SZRD1: variants seen among roughly 807,000 people sequenced by gnomAD.
SZRD1 encodes SUZ RNA-binding domain-containing.
SZRD1 carries 7 observed loss-of-function variants against 17.6 expected under a neutral mutation model. That is an observed-to-expected ratio of 0.40 (90% CI 0.23 to 0.75). The LOEUF is 0.75. SZRD1 is among the 30% of genes least tolerant of loss of function. The pLI, the probability that SZRD1 is intolerant of heterozygous loss-of-function variation, is 0.38. For synonymous variants in SZRD1, 77 were observed against 77.9 expected, an observed-to-expected ratio of 0.99 and a Z score of 0.06; for missense variants, 178 against 201.8, an observed-to-expected ratio of 0.88 and a Z score of 0.71.
intron 2 of SZRD1, among the ~76,000 whole-genome samples, chr1:16,392,197 G>C (rs1423359329): frequency 6.6e-6 from 1 of 152,114 alleles, no homozygotes; most frequent in Non-Finnish European, 1.5e-5. Flanking sequence ...TACAGTCCTC[G>C]TTCCATACCA....
intron 1 of SZRD1, among the ~76,000 whole-genome samples, chr1:16,368,960 T>A (rs544567215): frequency 6.6e-6 from 1 of 152,328 alleles, no homozygotes; most frequent in East Asian, 1.9e-4. Context: ...GGGCTTACTT[T>A]AGTTTTTCAG....
intron 1 of SZRD1, among the ~76,000 whole-genome samples, chr1:16,377,047 C>T (rs958153328): frequency 2.0e-5 from 3 of 152,150 alleles, no homozygotes; most frequent in Non-Finnish European, 4.4e-5. Flanking sequence ...CTCCTCTGCT[C>T]TCCCCTGCAA....
chr1:16,372,364 T>C (rs2082928993), intron 1 of SZRD1, among the ~76,000 whole-genome samples: 1 of 152,098 alleles, frequency 6.6e-6, no homozygotes, highest in Non-Finnish European at 1.5e-5. Context: ...TCCCAGCTAC[T>C]CCGGAGGCTG....
At chr1:16,380,304 C>G (rs1328371215) in intron 1 of SZRD1, among the ~76,000 whole-genome samples, 2 of 151,202 alleles carry the variant, frequency 1.3e-5, no homozygotes, top group East Asian at 4.0e-4. Context: ...GAGAGACGCT[C>G]GTCTCTTTAT....
chr1:16,384,183 C>T (rs1049828712), intron 1 of SZRD1, among the ~76,000 whole-genome samples: 14 of 151,896 alleles, frequency 9.2e-5, no homozygotes, highest in Non-Finnish European at 1.9e-4. Flanking sequence ...AAGGCAGAGA[C>T]GAAACAGAAT....
chr1:16,368,331 T>C (rs897460833), intron 1 of SZRD1, among the ~76,000 whole-genome samples: 1 of 152,056 alleles, frequency 6.6e-6, no homozygotes, highest in Non-Finnish European at 1.5e-5. Flanking sequence ...GGCGCTGGGT[T>C]TTTTTTCCTA....
chr1:16,372,717 T>C (rs2082934622), intron 1 of SZRD1, among the ~76,000 whole-genome samples: 1 of 152,230 alleles, frequency 6.6e-6, no homozygotes. Context: ...TTGAAATTTA[T>C]GTTTACTTTC....
intron 1 of SZRD1, among the ~76,000 whole-genome samples, chr1:16,380,892 C>T (rs1256522079): frequency 6.6e-6 from 1 of 151,810 alleles, no homozygotes; most frequent in Non-Finnish European, 1.5e-5. Flanking sequence ...CAGATGTGAG[C>T]CACTGCACCC....
At chr1:16,373,494 G>A (rs1301705697) in intron 1 of SZRD1, among the ~76,000 whole-genome samples, 3 of 150,650 alleles carry the variant, frequency 2.0e-5, no homozygotes, top group East Asian at 4.0e-4. Flanking sequence ...CAGGAGAATC[G>A]CTTGAACCTG....
chr1:16,382,968 C>T (rs189336111), intron 1 of SZRD1, among the ~76,000 whole-genome samples: 156 of 151,876 alleles, frequency 1.0e-3, no homozygotes, highest in African/African-American at 3.3e-3. Flanking sequence ...CGGGTTCTAG[C>T]GATTCTCCTG....
At chr1:16,394,405 C>T (rs1399602635) in intron 3 of SZRD1, among the ~76,000 whole-genome samples, 2 of 152,182 alleles carry the variant, frequency 1.3e-5, no homozygotes, top group Non-Finnish European at 2.9e-5. Context: ...TCTGGAGATT[C>T]CAAATGGTTC....
At position 16,393,177 on chromosome 1, in the gene SZRD1, G is replaced by T; in HGVS notation, c.102-51G>T. 6.3e-7 allele frequency: 1 copy of T among 1,594,098 alleles called. No individual in the cohort carries two copies. Among genetic ancestry groups the T allele is most frequent in the Non-Finnish European group, 8.6e-7 (1 of 1,166,320 alleles). ...GAGGTGGGTGTGGGACATGGACAGG[G>T]CCTCCTTAGTCAGGAGCATGATTTG... On this transcript the variant is annotated intron_variant, in intron 2 of 3. Coordinates refer to ENST00000401088, the MANE Select transcript of SZRD1 (RefSeq NM_001114600.3). This position sits in a 1 kb window ranked among gnomAD's most constrained non-coding sequence, Gnocchi z 5.6.
intron 1 of SZRD1, among the ~76,000 whole-genome samples, chr1:16,377,562 C>CAAAAAAAAAAAA: frequency 1.6e-5 from 1 of 62,056 alleles, no homozygotes; most frequent in Non-Finnish European, 3.1e-5. Context: ...GACTCTGTCT[C>CAAAAAAAAAAAA]AAAAAAAAAA....
intron 1 of SZRD1, among the ~76,000 whole-genome samples, chr1:16,389,627 A>G (rs1010732968): frequency 6.7e-6 from 1 of 149,582 alleles, no homozygotes; most frequent in African/African-American, 2.5e-5. Flanking sequence ...TTGTATTTTT[A>G]TTAGAGACGG....
intron 1 of SZRD1, among the ~76,000 whole-genome samples, chr1:16,385,580 A>G (rs1570031647): frequency 6.6e-6 from 1 of 151,948 alleles, no homozygotes; most frequent in Non-Finnish European, 1.5e-5. Context: ...ACAGGAGTAA[A>G]CCTACCACTG....
intron 1 of SZRD1, 90 bp downstream of exon 1, chr1:16,367,398 C>G (rs1035867860): frequency 1.6e-6 from 2 of 1,274,088 alleles, no homozygotes; most frequent in Non-Finnish European, 1.1e-6. Context: ...TAGTTCTCCC[C>G]AAGGAAGGGC....
intron 1 of SZRD1, chr1:16,387,942 C>T (rs1274785210): frequency 3.0e-6 from 1 of 328,106 alleles, no homozygotes; most frequent in Non-Finnish European, 5.9e-6. Context: ...CTGTGTTTGT[C>T]AGTTCACAGA....
chr1:16,385,268 G>A (rs1042722214), intron 1 of SZRD1, among the ~76,000 whole-genome samples: 1 of 152,046 alleles, frequency 6.6e-6, no homozygotes, highest in Admixed American at 6.5e-5. Context: ...GAGGCCTGCT[G>A]TCCTTGGGGA....
intron 1 of SZRD1, among the ~76,000 whole-genome samples, chr1:16,385,712 T>C (rs2083177366): frequency 6.6e-6 from 1 of 152,196 alleles, no homozygotes; most frequent in South Asian, 2.1e-4. Flanking sequence ...TCCTTGGGAA[T>C]GATCTTATCC....
Sources: gnomAD v4.1 joint callset for allele counts (sites outside exome capture counted in the v4.1 genomes callset) on GRCh38, gnomAD v4.1.1 for gene constraint, Gnocchi (gnomAD v3.1) non-coding constraint, MANE v1.5 for transcripts, NCBI Gene and HGNC (gene_info 2026-07-23, HGNC 2026-07-21) for gene names.